The following TAFA1 variants were observed in gnomAD, a reference collection of about 807,000 sequenced individuals.
The protein encoded by TAFA1 is chemokine-like protein TAFA-1.
Under a neutral mutation model 18.5 loss-of-function variants are expected in TAFA1, and 4 were observed. That is an observed-to-expected ratio of 0.22 (90% CI 0.11 to 0.49). TAFA1 has a LOEUF of 0.49. Among genes scored for constraint, TAFA1 ranks in the 20% least tolerant of loss-of-function variants. The pLI, the probability that TAFA1 is intolerant of heterozygous loss-of-function variation, is 0.98. For missense variants in TAFA1, 147 were observed against 169.0 expected (o/e 0.87, Z 0.72); for synonymous variants, 56 against 55.2 (o/e 1.01, Z -0.06).
intron 2 of TAFA1, among the ~76,000 whole-genome samples, chr3:68,143,850 G>A (rs1402133046): frequency 2.0e-5 from 3 of 152,124 alleles, no homozygotes; most frequent in African/African-American, 7.2e-5. Context: ...GCCAATCCTA[G>A]AATTCCAGGG....
intron 2 of TAFA1, among the ~76,000 whole-genome samples, chr3:68,173,212 G>C (rs2066080434): frequency 6.6e-6 from 1 of 151,884 alleles, no homozygotes; most frequent in Non-Finnish European, 1.5e-5. Flanking sequence ...AGAAACATGA[G>C]ATACTGTTAT....
chr3:68,208,069 A>G (rs1403721620), intron 2 of TAFA1, among the ~76,000 whole-genome samples: 1 of 151,856 alleles, frequency 6.6e-6, no homozygotes, highest in Non-Finnish European at 1.5e-5. Context: ...TATATTTTTC[A>G]TTGTATGAAA....
intron 3 of TAFA1, among the ~76,000 whole-genome samples, chr3:68,477,252 T>A (rs183272863): frequency 6.6e-6 from 1 of 152,284 alleles, no homozygotes; most frequent in Admixed American, 6.5e-5. Flanking sequence ...TAATAGTTAT[T>A]TCTTTTCCTT....
chr3:68,414,450 C>G (rs1039947879), intron 2 of TAFA1, among the ~76,000 whole-genome samples: 16 of 152,150 alleles, frequency 1.1e-4, no homozygotes, highest in African/African-American at 3.1e-4. Flanking sequence ...GGCACAACCA[C>G]TTGTGAAAAG....
intron 2 of TAFA1, among the ~76,000 whole-genome samples, chr3:68,294,951 A>G (rs1313887865): frequency 6.6e-6 from 1 of 152,208 alleles, no homozygotes; most frequent in Non-Finnish European, 1.5e-5. Flanking sequence ...CAAATGGCCA[A>G]TGGTTATATT....
At chr3:68,064,661 A>C (rs926414681) in intron 2 of TAFA1, among the ~76,000 whole-genome samples, 3 of 152,110 alleles carry the variant, frequency 2.0e-5, no homozygotes, top group Non-Finnish European at 4.4e-5. Flanking sequence ...ATTTTATTGT[A>C]ACATCACTTG....
At chr3:68,524,236 CTT>C (rs1381695192) in intron 3 of TAFA1, among the ~76,000 whole-genome samples, 2 of 152,130 alleles carry the variant, frequency 1.3e-5, no homozygotes, top group Non-Finnish European at 2.9e-5. Context: ...CTCCACATGA[CTT>C]TTCAGCATGG....
At chr3:68,025,808 T>C (rs951697514) in intron 2 of TAFA1, among the ~76,000 whole-genome samples, 2 of 152,186 alleles carry the variant, frequency 1.3e-5, no homozygotes, top group Non-Finnish European at 1.5e-5. Flanking sequence ...TACCACTTTA[T>C]TGATTTTAAT....
chr3:68,082,306 G>A (rs1397682292), intron 2 of TAFA1, among the ~76,000 whole-genome samples: 1 of 152,204 alleles, frequency 6.6e-6, no homozygotes, highest in Non-Finnish European at 1.5e-5. Flanking sequence ...GTAGACCGGA[G>A]CTGTTCCTAT....
At chr3:68,144,717 C>T (rs1490415332) in intron 2 of TAFA1, among the ~76,000 whole-genome samples, 2 of 152,148 alleles carry the variant, frequency 1.3e-5, no homozygotes, top group African/African-American at 2.4e-5. Flanking sequence ...TCTTTAATTT[C>T]CCACTTCAGT....
intron 2 of TAFA1, among the ~76,000 whole-genome samples, chr3:68,222,668 T>C (rs1223201616): frequency 6.6e-6 from 1 of 151,958 alleles, no homozygotes; most frequent in Admixed American, 6.6e-5. Context: ...GAGAGTATTG[T>C]TTTTATTTTT....
intron 2 of TAFA1, among the ~76,000 whole-genome samples, chr3:68,243,316 T>C (rs540056764): frequency 4.1e-4 from 62 of 152,176 alleles, no homozygotes; most frequent in East Asian, 1.4e-3. Flanking sequence ...TTACAGTTTT[T>C]ACCAGTTATA....
intron 2 of TAFA1, among the ~76,000 whole-genome samples, chr3:68,122,924 C>T (rs376766796): frequency 6.6e-5 from 10 of 151,344 alleles, no homozygotes; most frequent in African/African-American, 2.4e-4. Flanking sequence ...GTTTTACACA[C>T]ACACATACAC....
intron 3 of TAFA1, among the ~76,000 whole-genome samples, chr3:68,443,341 GCCCTAAGTTCTA>G (rs2071419255): frequency 6.6e-6 from 1 of 151,840 alleles, no homozygotes; most frequent in African/African-American, 2.4e-5. Context: ...AAAAGAGACA[GCCCTAAGTTCTA>G]CCCTTCAAGC....
intron 2 of TAFA1, among the ~76,000 whole-genome samples, chr3:68,049,837 G>A (rs968971680): frequency 2.6e-5 from 4 of 152,028 alleles, no homozygotes; most frequent in African/African-American, 9.7e-5. Context: ...ACCCTCAAAT[G>A]GCTTTCATCC....
intron 3 of TAFA1, among the ~76,000 whole-genome samples, chr3:68,433,718 C>G (rs1024462947): frequency 6.6e-6 from 1 of 152,026 alleles, no homozygotes; most frequent in Non-Finnish European, 1.5e-5. Context: ...TTTAAGTTCC[C>G]AAATCTGAAA....
intron 2 of TAFA1, among the ~76,000 whole-genome samples, chr3:68,334,039 C>G (rs963823467): frequency 6.6e-6 from 1 of 152,136 alleles, no homozygotes; most frequent in Non-Finnish European, 1.5e-5. Flanking sequence ...GGGTACAAAA[C>G]TTTCAGTTAT....
At chr3:68,276,229 A>C (rs191202774) in intron 2 of TAFA1, among the ~76,000 whole-genome samples, 6 of 152,184 alleles carry the variant, frequency 3.9e-5, no homozygotes, top group Admixed American at 3.3e-4. Flanking sequence ...TAACAAGAAA[A>C]GAAAAAAATT....
intron 2 of TAFA1, among the ~76,000 whole-genome samples, chr3:68,248,299 C>A (rs930042909): frequency 6.6e-6 from 1 of 152,108 alleles, no homozygotes; most frequent in African/African-American, 2.4e-5. Flanking sequence ...TGCAAGAAAT[C>A]CCCAGTTTGG....
Sources: allele counts gnomAD v4.1 joint callset (sites outside exome capture counted in the v4.1 genomes callset), GRCh38; gene constraint gnomAD v4.1.1; transcripts MANE v1.5; gene names NCBI Gene and HGNC (gene_info 2026-07-23, HGNC 2026-07-21).